The following RBM17 variants were observed in gnomAD, a reference collection of about 807,000 sequenced individuals.
RBM17 encodes the protein splicing factor 45.
In RBM17, 7 loss-of-function variants were observed where a neutral mutation model predicts 53.2. The observed-to-expected ratio is 0.13, with a 90% confidence interval of 0.07 to 0.25. The LOEUF (loss-of-function observed/expected upper bound fraction) is 0.25. Among genes scored for constraint, RBM17 ranks in the 10% least tolerant of loss-of-function variants. The probability of loss-of-function intolerance (pLI) is 1.00; values close to 1 mark genes in which losing one functional copy is unlikely to be tolerated. For synonymous variants in RBM17, 167 were observed against 178.1 expected, an observed-to-expected ratio of 0.94 and a Z score of 0.50; for missense variants, 257 against 496.7, an observed-to-expected ratio of 0.52 and a Z score of 4.59.
intron 1 of RBM17, among the ~76,000 whole-genome samples, chr10:6,091,941 A>T (rs1840492117): frequency 6.6e-6 from 1 of 151,688 alleles, no homozygotes; most frequent in African/African-American, 2.4e-5. Context: ...TTCTGAGAAG[A>T]CTCTTCCATG....
intron 1 of RBM17, among the ~76,000 whole-genome samples, chr10:6,092,794 C>T (rs554499155): frequency 2.0e-5 from 3 of 152,184 alleles, no homozygotes; most frequent in Non-Finnish European, 4.4e-5. Context: ...AGAAAACTAG[C>T]AGGTGCTGGT....
chr10:6,112,523 C>T lies in RBM17; in HGVS notation c.856+162C>T, dbSNP rs2132954666. The T allele has an allele frequency of 1.3e-6, 1 of 770,188 alleles. No homozygotes were observed. The highest frequency in any genetic ancestry group is 1.6e-5 in the South Asian group (1 of 60,782). 47.7% of individuals were successfully genotyped at this position (770,188 alleles called of 1,614,324 possible). On this transcript the variant is annotated intron_variant, in intron 8 of 11. Transcript: ENST00000379888. The surrounding 1 kb of genome is among the most constrained non-coding windows in gnomAD (Gnocchi z 4.4). ...TCACTAGAACACAGGCCGTCCTGTT[C>T]ATATGATGCACTGCCACTTCCGTTT...
intron 1 of RBM17, among the ~76,000 whole-genome samples, chr10:6,095,549 G>A (rs1221403654): frequency 6.6e-6 from 1 of 152,046 alleles, no homozygotes; most frequent in African/African-American, 2.4e-5. Context: ...TTGAGCAGTC[G>A]GCCATCAATA....
chr10:6,091,013 T>TTA (rs1554834351), intron 1 of RBM17, among the ~76,000 whole-genome samples: 1,167 of 113,700 alleles, frequency 0.01, 11 homozygotes, highest in African/African-American at 0.032. Flanking sequence ...ATATAAATAT[T>TTA]TATATATTTA....
At position 6,101,345 on chromosome 10, in the gene RBM17, G is replaced by A; in HGVS notation, c.198G>A (p.Arg66=). The change falls in exon 3 of 12, where the codon CGG becomes CGA. Residue 66 remains arginine (R), a synonymous_variant. Coordinates refer to ENST00000379888, the MANE Select transcript of RBM17 (RefSeq NM_032905.5). ...DLKRGGSSDD[R]QIVDTPPHVA... is the part of the protein sequence containing the mutation. ...AGCGAGGTGGCTCCTCAGATGACCG[G>A]CAAATTGTGGACACTCCACCGCATG... 1 of 1,613,592 alleles carries A rather than the reference G, an allele frequency of 6.2e-7. No individual in the cohort carries two copies. The highest frequency in any genetic ancestry group is 8.5e-7 in the Non-Finnish European group (1 of 1,179,866).
chr10:6,091,246 A>G (rs1197863577), intron 1 of RBM17, among the ~76,000 whole-genome samples: 2 of 151,848 alleles, frequency 1.3e-5, no homozygotes, highest in Non-Finnish European at 2.9e-5. Context: ...TTCAGTAGGG[A>G]CGGGGTTTCA....
chr10:6,099,382 G>A (rs1319102512), intron 2 of RBM17, among the ~76,000 whole-genome samples: 1 of 151,926 alleles, frequency 6.6e-6, no homozygotes, highest in Non-Finnish European at 1.5e-5. Context: ...TTATTTGGTA[G>A]AGAAAATTTG....
intron 3 of RBM17, among the ~76,000 whole-genome samples, chr10:6,102,230 A>G (rs1442548433): frequency 6.6e-6 from 1 of 152,222 alleles, no homozygotes; most frequent in Non-Finnish European, 1.5e-5. Flanking sequence ...AGTGCTATCG[A>G]GACAGTTTCT....
intron 2 of RBM17, 127 bp downstream of exon 2, chr10:6,097,315 GGGGGAGAGGAATGAGGAGTTTA>G (rs1840590948): frequency 1.1e-6 from 1 of 949,908 alleles, no homozygotes; most frequent in African/African-American, 1.6e-5. Flanking sequence ...AGCATTTGTA[GGGGGAGAGGAATGAGGAGTTTA>G]AGGCCACTTT....
At chr10:6,114,523 C>A in intron 10 of RBM17, 1 of 175,570 alleles carries the variant, frequency 5.7e-6, no homozygotes. Context: ...GAAGCATGCT[C>A]TGTACTCTCA....
At position 6,116,515 on chromosome 10, in the gene RBM17, A is replaced by G. The variant is rs1009614949; in HGVS notation, c.*959A>G. On this transcript the variant is annotated 3_prime_UTR_variant, in exon 12 of 12. Coordinates refer to ENST00000379888, the MANE Select transcript of RBM17 (RefSeq NM_032905.5). ...AGTAGGATGTGTGGCTTAAAAATTT[A>G]TCAGGACCACAAAAAAGAAAACAAA... The G allele has an allele frequency of 6.6e-6, 1 of 152,396 alleles. No homozygotes were observed. Among genetic ancestry groups the G allele is most frequent in the Non-Finnish European group, 1.5e-5 (1 of 68,046 alleles). 9.4% of individuals were successfully genotyped at this position (152,396 alleles called of 1,614,324 possible). A position where few individuals can be genotyped will look rare whatever the true frequency, so the allele number is the denominator to read the frequency against.
Position 6,115,624 on chromosome 10 carries a change from A to G in RBM17, c.*68A>G. On this transcript the variant is annotated 3_prime_UTR_variant, in exon 12 of 12. Coordinates refer to ENST00000379888, the MANE Select transcript of RBM17 (RefSeq NM_032905.5). Reference sequence around the variant, plus strand: ...TGAACTGCAGGCTGAGAAAAGAAGGAAAAAGGTCACAGCCTCCATGGCTGT... The same window carrying G: ...TGAACTGCAGGCTGAGAAAAGAAGGGAAAAGGTCACAGCCTCCATGGCTGT... The G allele has an allele frequency of 2.0e-6, 2 of 1,014,092 alleles. No individual in the cohort carries two copies. The highest frequency in any genetic ancestry group is 3.1e-6 in the Non-Finnish European group (2 of 642,984). 62.8% of individuals were successfully genotyped at this position (1,014,092 alleles called of 1,614,324 possible).
chr10:6,098,556 G>GGTTT lies in RBM17; in HGVS notation c.123+1368_123+1369insGTTT, dbSNP rs1840613398. On this transcript the variant is annotated intron_variant, in intron 2 of 11. Coordinates refer to ENST00000379888, the MANE Select transcript of RBM17 (RefSeq NM_032905.5). Reference sequence around the variant, plus strand: ...GTTTGAAAATTTCCGTAATACACAGGTTTTTTGTTTTTTTTTTTTTTTTTT... The same window carrying GGTTT: ...GTTTGAAAATTTCCGTAATACACAGGGTTTTTTTTTGTTTTTTTTTTTTTTTTTT... 8.4e-4 allele frequency among the ~76,000 whole-genome samples: 74 copies of GGTTT among 87,976 alleles called. 1 individual carries two copies. The South Asian group carries it at 0.011, about 13-fold the overall frequency. The allele number at this position is 87,976 out of a possible 152,430, so 57.7% of individuals were successfully genotyped here.
At chr10:6,113,823 T>G in intron 9 of RBM17, 6 of 586,070 alleles carry the variant, frequency 1.0e-5, no homozygotes, top group Non-Finnish European at 1.8e-5. Flanking sequence ...TCAGATAGTT[T>G]ATACATTTTG....
rs1313364701 is a variant in RBM17, at chr10:6,106,346, G to C, written c.505+108G>C. The C allele has an allele frequency of 4.2e-6, 3 of 721,508 alleles. No individual in the cohort carries two copies. In the Admixed American group the frequency reaches 7.9e-5, roughly 19 times the overall value. 44.7% of individuals were successfully genotyped at this position (721,508 alleles called of 1,614,324 possible). A position where few individuals can be genotyped will look rare whatever the true frequency, so the allele number is the denominator to read the frequency against. The stretch of plus-strand genomic sequence containing the variant: ...TAAATAGTTCATTTGACATTGATTT[G>C]GGTAATTTTCTTTCTGGAATCCCAG... On this transcript the variant is annotated intron_variant, in intron 5 of 11. Coordinates refer to ENST00000379888, the MANE Select transcript of RBM17 (RefSeq NM_032905.5).
chr10:6,108,870 GTCACC>G, intron 6 of RBM17, 128 bp downstream of exon 6: 1 of 49,916 alleles, frequency 2.0e-5, no homozygotes, highest in Non-Finnish European at 4.7e-5. Context: ...GCCTGGCTCT[GTCACC>G]TGAGGCCGCA....
Position 6,112,327 on chromosome 10 carries a change from C to T in RBM17, c.822C>T (p.Gly274=), listed in dbSNP as rs754844495. ...CAGTGGAGAAGACCAGCAAGCGTGG[C>T]GGCAAGATCATCGTGGGCGACGCCA... ...ALSVEKTSKR[G]GKIIVGDATE... Residue 274 remains glycine, a synonymous_variant, in exon 8 of 12, where the codon GGC becomes GGT. Transcript: ENST00000379888. The surrounding 1 kb of genome is among the most constrained non-coding windows in gnomAD (Gnocchi z 4.4). 3.5e-5 allele frequency: 56 copies of T among 1,613,774 alleles called. No homozygotes were observed. The highest frequency in any genetic ancestry group is 4.0e-5 in the African/African-American group (3 of 74,854).
chr10:6,105,307 G>T (rs1840733165), intron 4 of RBM17, among the ~76,000 whole-genome samples: 1 of 152,076 alleles, frequency 6.6e-6, no homozygotes, highest in African/African-American at 2.4e-5. Flanking sequence ...GACCTAAAGT[G>T]TATATTTTGA....
chr10:6,102,250 G>A (rs1019478539), intron 3 of RBM17, among the ~76,000 whole-genome samples: 2 of 152,142 alleles, frequency 1.3e-5, no homozygotes, highest in African/African-American at 4.8e-5. Context: ...TTAGCAAGGC[G>A]CGCCTGTCCT....
Sources: allele counts gnomAD v4.1 joint callset (sites outside exome capture counted in the v4.1 genomes callset), GRCh38; gene constraint gnomAD v4.1.1; non-coding constraint Gnocchi (gnomAD v3.1); transcripts MANE v1.5; gene names NCBI Gene and HGNC (gene_info 2026-07-23, HGNC 2026-07-21).